The following CAMTA1 variants were observed in gnomAD, a reference collection of about 807,000 sequenced individuals.
CAMTA1 encodes calmodulin binding transcription activator 1, also known as calmodulin-binding transcription activator 1.
CAMTA1 carries 27 observed loss-of-function variants against 170.9 expected under a neutral mutation model. That is an observed-to-expected ratio of 0.16 (90% confidence interval 0.12 to 0.22). The LOEUF (loss-of-function observed/expected upper bound fraction) is 0.22, where lower values mean the gene tolerates loss of function less well. CAMTA1 is among the 10% of genes least tolerant of loss of function. The pLI is 1.00. For missense variants in CAMTA1, 1,619 were observed against 2,217.2 expected (o/e 0.73, Z 5.42); for synonymous variants, 833 against 891.5 (o/e 0.93, Z 1.17).
At chr1:7,710,697 T>A (rs77535494) in intron 11 of CAMTA1, among the ~76,000 whole-genome samples, 3,643 of 151,818 alleles carry the variant, frequency 0.024, 130 homozygotes, top group African/African-American at 0.082. Context: ...TACAATGATG[T>A]CATTAGGCCT....
chr1:7,318,887 G>C (rs570529246), intron 5 of CAMTA1, among the ~76,000 whole-genome samples: 1 of 152,236 alleles, frequency 6.6e-6, no homozygotes, highest in Non-Finnish European at 1.5e-5. Flanking sequence ...GGGAATGGAG[G>C]TGGGTGAAGG....
At chr1:7,145,254 T>G (rs1325492911) in intron 4 of CAMTA1, among the ~76,000 whole-genome samples, 8 of 152,262 alleles carry the variant, frequency 5.3e-5, no homozygotes, top group Non-Finnish European at 1.0e-4. Context: ...ACCGCTCCTC[T>G]GCGGCTTATG....
chr1:7,766,436 G>A, intron 22 of CAMTA1, 23 bp from the exon 23 acceptor site: 1 of 1,613,042 alleles, frequency 6.2e-7, no homozygotes, highest in Non-Finnish European at 8.5e-7. Flanking sequence ...ATCGCCTGCT[G>A]TTTTGTTTTG....
At chr1:7,477,494 C>T (rs745321185) in intron 6 of CAMTA1, among the ~76,000 whole-genome samples, 4 of 152,162 alleles carry the variant, frequency 2.6e-5, no homozygotes, top group Admixed American at 6.5e-5. Context: ...CAAGGCTGCA[C>T]GGCAGAGCGG....
chr1:7,449,839 C>T (rs570032990), intron 5 of CAMTA1, among the ~76,000 whole-genome samples: 10 of 151,232 alleles, frequency 6.6e-5, no homozygotes, highest in South Asian at 6.3e-4. Context: ...CTCAGTGGAA[C>T]GGCAGGGACT....
chr1:7,423,100 G>C (rs2091668283), intron 5 of CAMTA1, among the ~76,000 whole-genome samples: 2 of 152,218 alleles, frequency 1.3e-5, no homozygotes, highest in Admixed American at 6.5e-5. Flanking sequence ...CAGGGCAAAA[G>C]AGCCCCAGGG....
At chr1:7,096,643 C>T (rs967529978) in intron 4 of CAMTA1, among the ~76,000 whole-genome samples, 7 of 152,316 alleles carry the variant, frequency 4.6e-5, no homozygotes, top group Admixed American at 3.9e-4. Context: ...TCTCATTAGC[C>T]ACCAACTCCG....
At chr1:7,705,281 G>A (rs908677410) in intron 11 of CAMTA1, among the ~76,000 whole-genome samples, 39 of 151,234 alleles carry the variant, frequency 2.6e-4, no homozygotes, top group Non-Finnish European at 5.2e-4. Context: ...TGGGAGACAC[G>A]CGTGTCCATG....
Position 7,606,205 on chromosome 1 carries a change from T to C in CAMTA1, c.511-34195T>C, listed in dbSNP as rs576023272. On this transcript the variant is annotated intron_variant, in intron 6 of 22. Transcript: ENST00000303635. ...CCAGGTCCAGACTCTCAGCACCTTCTTCCCAGGCAGGGGCTGACAGATGCC... is the reference window on the plus strand; with the variant it reads ...CCAGGTCCAGACTCTCAGCACCTTCCTCCCAGGCAGGGGCTGACAGATGCC... Among the ~76,000 whole-genome samples the C allele has an allele frequency of 3.3e-5, 5 of 152,308 alleles. No homozygotes were observed. The South Asian group carries it at 6.2e-4, about 19-fold the overall frequency.
At chr1:6,851,375 TCTGGACATA>T (rs2148809356) in intron 3 of CAMTA1, among the ~76,000 whole-genome samples, 1 of 152,242 alleles carries the variant, frequency 6.6e-6, no homozygotes, top group East Asian at 1.9e-4. Context: ...ATAAAAATGG[TCTGGACATA>T]CATTATAGAG....
chr1:7,250,178 G>A (rs912054574), intron 5 of CAMTA1, among the ~76,000 whole-genome samples: 7 of 152,198 alleles, frequency 4.6e-5, no homozygotes, highest in East Asian at 1.9e-4. Context: ...ATCTTGGGCC[G>A]ACTTCGGGTT....
At chr1:6,895,498 T>A (rs917175086) in intron 3 of CAMTA1, among the ~76,000 whole-genome samples, 2 of 152,232 alleles carry the variant, frequency 1.3e-5, no homozygotes, top group Non-Finnish European at 2.9e-5. Flanking sequence ...CAGGGCAATC[T>A]ATGAAGAATG....
intron 6 of CAMTA1, among the ~76,000 whole-genome samples, chr1:7,518,090 G>C (rs539958720): frequency 2.6e-5 from 4 of 152,180 alleles, no homozygotes; most frequent in Admixed American, 1.3e-4. Flanking sequence ...GCCAGAGCTG[G>C]ATGTGAGAAG....
intron 4 of CAMTA1, among the ~76,000 whole-genome samples, chr1:7,103,829 CACA>C (rs1264658480): frequency 3.7e-5 from 3 of 82,190 alleles, no homozygotes; most frequent in South Asian, 3.2e-4. Context: ...CACATGCACA[CACA>C]ACTACACACA....
At chr1:7,179,225 C>T (rs1380605356) in intron 4 of CAMTA1, among the ~76,000 whole-genome samples, 1 of 152,150 alleles carries the variant, frequency 6.6e-6, no homozygotes, top group African/African-American at 2.4e-5. Context: ...ATATATCAGT[C>T]ACGAATATCT....
intron 4 of CAMTA1, among the ~76,000 whole-genome samples, chr1:7,218,280 C>T (rs1465664020): frequency 6.6e-6 from 1 of 152,156 alleles, no homozygotes; most frequent in African/African-American, 2.4e-5. Flanking sequence ...TGACACAGTT[C>T]CTCCCCCTCC....
intron 6 of CAMTA1, among the ~76,000 whole-genome samples, chr1:7,613,932 G>C (rs1359006572): frequency 6.7e-6 from 1 of 148,498 alleles, no homozygotes; most frequent in Non-Finnish European, 1.5e-5. Flanking sequence ...GAGATGGTGG[G>C]GGGGCAGGTC....
At chr1:6,960,410 G>A (rs1037629217) in intron 3 of CAMTA1, among the ~76,000 whole-genome samples, 1 of 152,076 alleles carries the variant, frequency 6.6e-6, no homozygotes, top group African/African-American at 2.4e-5. Flanking sequence ...GGAGTCATTG[G>A]GAAGGCAGTC....
intron 6 of CAMTA1, among the ~76,000 whole-genome samples, chr1:7,500,313 C>CGTGAGTGAGTGTGTAGAGAGGATGGT (rs2093980877): frequency 8.1e-6 from 1 of 123,498 alleles, no homozygotes; most frequent in Admixed American, 8.5e-5. Flanking sequence ...CATGTGTGTC[C>CGTGAGTGAGTGTGTAGAGAGGATGGT]GTGAGCGAGT....
Sources: gnomAD v4.1 joint callset for allele counts (sites outside exome capture counted in the v4.1 genomes callset) on GRCh38, gnomAD v4.1.1 for gene constraint, MANE v1.5 for transcripts, NCBI Gene and HGNC (gene_info 2026-07-23, HGNC 2026-07-21) for gene names.